Variants in EPHA5 observed in about 807,000 individuals in gnomAD.
EPHA5 encodes EPH receptor A5.
EPHA5 carries 60 observed loss-of-function variants against 105.0 expected under a neutral mutation model. The ratio of observed to expected loss-of-function variants is 0.57; its 90% CI spans 0.46 to 0.71. The LOEUF is 0.71. EPHA5 is among the 30% of genes least tolerant of loss of function. The pLI is 0.00. For synonymous variants in EPHA5, 513 were observed against 449.1 expected (o/e 1.14, Z -1.80); for missense variants, 1,218 against 1,274.7 (o/e 0.96, Z 0.68).
intron 3 of EPHA5, among the ~76,000 whole-genome samples, chr4:65,558,145 G>A (rs28604549): frequency 0.51 from 77,232 of 151,894 alleles, 19,949 homozygotes; most frequent in Non-Finnish European, 0.53. Context: ...CCAAAGTGGC[G>A]GGATTACAGG....
At chr4:65,561,116 G>T (rs927019726) in intron 3 of EPHA5, among the ~76,000 whole-genome samples, 1 of 151,710 alleles carries the variant, frequency 6.6e-6, no homozygotes, top group African/African-American at 2.4e-5. Context: ...GGCTAGAAAG[G>T]TTTGACATGA....
intron 3 of EPHA5, among the ~76,000 whole-genome samples, chr4:65,564,765 A>G (rs190022980): frequency 1.5e-3 from 224 of 151,914 alleles, no homozygotes; most frequent in African/African-American, 2.0e-3. Context: ...TAAGCAATGT[A>G]TTTGTATTTA....
At chr4:65,383,486 C>A (rs1007931367) in intron 8 of EPHA5, among the ~76,000 whole-genome samples, 2 of 151,588 alleles carry the variant, frequency 1.3e-5, no homozygotes, top group African/African-American at 4.8e-5. Flanking sequence ...CCAGTAAAAA[C>A]AAAGCAAGAA....
chr4:65,607,940 C>T (rs549095727), intron 2 of EPHA5, among the ~76,000 whole-genome samples: 2 of 152,278 alleles, frequency 1.3e-5, no homozygotes, highest in South Asian at 2.1e-4. Flanking sequence ...CCCAAATGCC[C>T]ATCAATGTTA....
intron 3 of EPHA5, among the ~76,000 whole-genome samples, chr4:65,584,913 C>CAATT (rs1741970264): frequency 2.0e-5 from 3 of 151,612 alleles, no homozygotes; most frequent in Admixed American, 2.0e-4. Flanking sequence ...TTTTAAATGC[C>CAATT]TTGGTGAGAA....
At chr4:65,529,555 A>G (rs1211166798) in intron 3 of EPHA5, among the ~76,000 whole-genome samples, 1 of 152,126 alleles carries the variant, frequency 6.6e-6, no homozygotes, top group African/African-American at 2.4e-5. Flanking sequence ...AGACAGAAAG[A>G]CGGTAAAAAC....
intron 5 of EPHA5, among the ~76,000 whole-genome samples, chr4:65,451,908 C>A (rs1727105540): frequency 6.6e-6 from 1 of 152,142 alleles, no homozygotes. Context: ...TGCCAGAGGA[C>A]CTTTTCTTCC....
chr4:65,477,533 C>A (rs772546028), intron 5 of EPHA5, among the ~76,000 whole-genome samples: 1 of 152,016 alleles, frequency 6.6e-6, no homozygotes, highest in South Asian at 2.1e-4. Flanking sequence ...CTGCCTCAGG[C>A]TCCCAAGTAG....
At chr4:65,482,005 C>G (rs1338681779) in intron 5 of EPHA5, among the ~76,000 whole-genome samples, 1 of 152,074 alleles carries the variant, frequency 6.6e-6, no homozygotes, top group Non-Finnish European at 1.5e-5. Flanking sequence ...TTGTTCAAAG[C>G]CTGTGAAATA....
At chr4:65,584,445 G>C (rs962764957) in intron 3 of EPHA5, among the ~76,000 whole-genome samples, 1 of 151,378 alleles carries the variant, frequency 6.6e-6, no homozygotes, top group East Asian at 1.9e-4. Flanking sequence ...AGCCCTTTTC[G>C]GATTTTTTGA....
intron 8 of EPHA5, among the ~76,000 whole-genome samples, chr4:65,397,865 A>G (rs1049515875): frequency 6.6e-6 from 1 of 152,118 alleles, no homozygotes; most frequent in African/African-American, 2.4e-5. Flanking sequence ...CATTGTCCCT[A>G]TCCTAATGGC....
chr4:65,574,447 T>C (rs2149382139), intron 3 of EPHA5: 1 of 371,274 alleles, frequency 2.7e-6, no homozygotes, highest in South Asian at 1.4e-4. Context: ...CTTGAGGCTC[T>C]ACATTAAGAA....
intron 7 of EPHA5, among the ~76,000 whole-genome samples, chr4:65,405,180 A>AT (rs1722242281): frequency 6.6e-6 from 1 of 152,190 alleles, no homozygotes; most frequent in Admixed American, 6.6e-5. Context: ...TTAGCATAAA[A>AT]TTCCCATTAT....
At chr4:65,602,326 GATA>G (rs757400672) in intron 2 of EPHA5, 22 bp from the exon 3 acceptor site, 6 of 1,332,316 alleles carry the variant, frequency 4.5e-6, no homozygotes, top group Non-Finnish European at 5.8e-6. Flanking sequence ...AAAATAGAAA[GATA>G]AAAAAAATTC....
At chr4:65,369,753 G>A (rs1226566794) in intron 8 of EPHA5, among the ~76,000 whole-genome samples, 2 of 152,050 alleles carry the variant, frequency 1.3e-5, no homozygotes, top group East Asian at 3.9e-4. Context: ...AGATCCACGA[G>A]GTCAGGAGTT....
intron 5 of EPHA5, among the ~76,000 whole-genome samples, chr4:65,465,122 T>C (rs1337172672): frequency 6.6e-6 from 1 of 151,730 alleles, no homozygotes; most frequent in East Asian, 1.9e-4. Flanking sequence ...CCGAAAGGAG[T>C]CATATTAGCT....
intron 5 of EPHA5, among the ~76,000 whole-genome samples, chr4:65,468,600 ATAT>A (rs1305767061): frequency 1.4e-3 from 12 of 8,476 alleles, no homozygotes; most frequent in East Asian, 0.05. Context: ...TATAATATAT[ATAT>A]TATATATATT....
Position 65,431,536 on chromosome 4 carries a change from T to G in EPHA5, c.1403-10971A>C, listed in dbSNP as rs978569559. Among the ~76,000 whole-genome samples the G allele has an allele frequency of 3.9e-5, 6 of 152,174 alleles. No homozygotes were observed. In the South Asian group the frequency reaches 1.2e-3, roughly 32 times the overall value. On this transcript the variant is annotated intron_variant, in intron 5 of 16. Coordinates refer to ENST00000613740, the MANE Select transcript of EPHA5 (RefSeq NM_001281766.3). The stretch of plus-strand genomic sequence containing the variant: ...ATCTCTTTCTCCATCTCATGGACTT[T>G]TAACAGGTCTTCCCACCGAAGAAAA...
chr4:65,512,825 C>A (rs1157545514), intron 3 of EPHA5, among the ~76,000 whole-genome samples: 1 of 152,062 alleles, frequency 6.6e-6, no homozygotes. Flanking sequence ...AACCATTAAA[C>A]ACCAAGATAT....
Sources: gnomAD v4.1 joint callset for allele counts (sites outside exome capture counted in the v4.1 genomes callset) on GRCh38, gnomAD v4.1.1 for gene constraint, MANE v1.5 for transcripts, NCBI Gene and HGNC (gene_info 2026-07-23, HGNC 2026-07-21) for gene names.